The following SH3KBP1 variants were observed in gnomAD, a reference collection of about 807,000 sequenced individuals.
The protein encoded by SH3KBP1 is SH3 domain containing kinase binding protein 1, also known as SH3 domain-containing kinase-binding protein 1.
A neutral mutation model predicts 50.1 loss-of-function variants in SH3KBP1; 8 were observed. The ratio of observed to expected loss-of-function variants is 0.16; its 90% CI spans 0.09 to 0.29. The LOEUF (loss-of-function observed/expected upper bound fraction) is 0.29. SH3KBP1 is among the 10% of genes least tolerant of loss of function. SH3KBP1 has a pLI of 1.00. For synonymous variants in SH3KBP1, 227 were observed against 218.6 expected (o/e 1.04, Z -0.34); for missense variants, 377 against 535.2 (o/e 0.70, Z 2.92).
At chrX:19,588,616 G>T in intron 12 of SH3KBP1, 27 bp downstream of exon 12, 1 of 1,205,912 alleles carries the variant, frequency 8.3e-7, no homozygotes, top group Non-Finnish European at 1.1e-6. Flanking sequence ...CCCCACACCC[G>T]CCCCGGAGGT....
intron 16 of SH3KBP1, among the ~76,000 whole-genome samples, chrX:19,538,834 A>ACCTG: frequency 1.8e-5 from 2 of 110,182 alleles, no homozygotes; most frequent in Admixed American, 9.6e-5. Context: ...TGATCAGCCC[A>ACCTG]CCTCAGCCTC....
At chrX:19,784,212 T>C (rs967947436) in intron 2 of SH3KBP1, among the ~76,000 whole-genome samples, 5 of 112,056 alleles carry the variant, frequency 4.5e-5, no homozygotes, top group African/African-American at 6.5e-5. Flanking sequence ...TTTTCCTCAG[T>C]TGCTCATTGC....
At chrX:19,654,034 T>C (rs2062206935) in intron 6 of SH3KBP1, among the ~76,000 whole-genome samples, 1 of 111,420 alleles carries the variant, frequency 9.0e-6, no homozygotes, top group South Asian at 3.7e-4. Flanking sequence ...ATCTGTCCAA[T>C]AAAAACTTTA....
Position 19,535,130 on chromosome X carries a change from G to T in SH3KBP1, c.*1287C>A, listed in dbSNP as rs2064674658. 1 of 286,553 alleles carries T rather than the reference G, an allele frequency of 3.5e-6. No homozygotes were observed. The highest frequency in any genetic ancestry group is 6.1e-6 in the Non-Finnish European group (1 of 164,587). 23.6% of individuals were successfully genotyped at this position (286,553 alleles called of 1,213,427 possible). A position where few individuals can be genotyped will look rare whatever the true frequency, so the allele number is the denominator to read the frequency against. On this transcript the variant is annotated 3_prime_UTR_variant, in exon 18 of 18. Transcript: ENST00000397821. ...AGTAGGCCCCTCATTTTCAGCTAAG[G>T]ATGAGAAAACAGTTACATAGTCTAA... is the stretch of plus-strand genomic sequence containing the variant.
intron 7 of SH3KBP1, among the ~76,000 whole-genome samples, chrX:19,637,932 C>T (rs1470280807): frequency 1.9e-5 from 2 of 107,600 alleles, no homozygotes; most frequent in African/African-American, 6.8e-5. Flanking sequence ...CAAAAATTAG[C>T]CAGGCTTGGT....
At chrX:19,861,345 C>G (rs954270629) in intron 1 of SH3KBP1, among the ~76,000 whole-genome samples, 1 of 109,531 alleles carries the variant, frequency 9.1e-6, no homozygotes, top group Non-Finnish European at 1.9e-5. Flanking sequence ...CCACTGCACT[C>G]CAGCCTGGGC....
chrX:19,788,853 C>T (rs974135675), intron 2 of SH3KBP1, among the ~76,000 whole-genome samples: 1 of 112,839 alleles, frequency 8.9e-6, no homozygotes, highest in Non-Finnish European at 1.9e-5. Flanking sequence ...AGGCCAGGCA[C>T]GGTGGCTCAC....
chrX:19,635,735 T>G (rs2061687951), intron 7 of SH3KBP1, among the ~76,000 whole-genome samples: 1 of 110,688 alleles, frequency 9.0e-6, no homozygotes, highest in African/African-American at 3.3e-5. Context: ...CATTGCCAAT[T>G]TGGGGGACTG....
intron 13 of SH3KBP1, among the ~76,000 whole-genome samples, chrX:19,562,831 G>C (rs963566013): frequency 6.3e-5 from 7 of 111,787 alleles, no homozygotes; most frequent in African/African-American, 2.0e-4. Context: ...ACCTCTCTCA[G>C]GTCAGCTATT....
intron 15 of SH3KBP1, among the ~76,000 whole-genome samples, chrX:19,543,622 G>C (rs1292206937): frequency 9.0e-6 from 1 of 111,671 alleles, no homozygotes; most frequent in Non-Finnish European, 1.9e-5. Flanking sequence ...CAGGAGAGAG[G>C]GAGCATGCTC....
intron 1 of SH3KBP1, among the ~76,000 whole-genome samples, chrX:19,850,030 T>C (rs762918641): frequency 4.6e-4 from 52 of 112,036 alleles, no homozygotes; most frequent in Non-Finnish European, 2.1e-4. Context: ...GTGTAATCAC[T>C]ATTTCACAAA....
At chrX:19,876,646 C>T (rs1233808331) in intron 1 of SH3KBP1, among the ~76,000 whole-genome samples, 2 of 111,246 alleles carry the variant, frequency 1.8e-5, no homozygotes, top group Non-Finnish European at 3.8e-5. Context: ...ACAGAAATGC[C>T]TCTGTGTTGG....
At chrX:19,691,045 T>C (rs1024733785) in intron 5 of SH3KBP1, among the ~76,000 whole-genome samples, 1 of 111,801 alleles carries the variant, frequency 8.9e-6, no homozygotes, top group Non-Finnish European at 1.9e-5. Context: ...GCACAACCAC[T>C]TGGCTGTTTT....
chrX:19,832,761 C>T (rs1187573144), intron 2 of SH3KBP1, among the ~76,000 whole-genome samples: 5 of 111,977 alleles, frequency 4.5e-5, no homozygotes, highest in African/African-American at 1.6e-4. Context: ...CCCACACTGG[C>T]CTAGCCCAAA....
At chrX:19,536,491 C>A in intron 17 of SH3KBP1, 33 bp from the exon 18 acceptor site, 1 of 960,385 alleles carries the variant, frequency 1.0e-6, no homozygotes, top group South Asian at 2.3e-5. Flanking sequence ...GGAACAAAGT[C>A]ATAATGAATC....
At chrX:19,782,587 A>G (rs1232830399) in intron 2 of SH3KBP1, among the ~76,000 whole-genome samples, 1 of 111,345 alleles carries the variant, frequency 9.0e-6, no homozygotes, top group Non-Finnish European at 1.9e-5. Context: ...CAGGACAGAC[A>G]CGTTTCGCAA....
chrX:19,805,832 G>C (rs2067028887), intron 2 of SH3KBP1, among the ~76,000 whole-genome samples: 1 of 111,612 alleles, frequency 9.0e-6, no homozygotes, highest in African/African-American at 3.3e-5. Context: ...ATAAAAATTT[G>C]CTGTTTGCTG....
intron 2 of SH3KBP1, among the ~76,000 whole-genome samples, chrX:19,801,279 C>T (rs1446432469): frequency 1.8e-5 from 2 of 112,049 alleles, no homozygotes; most frequent in Non-Finnish European, 3.8e-5. Context: ...CAGAACAACA[C>T]GGTGGGGGAA....
chrX:19,671,413 C>G (rs1485023504), intron 6 of SH3KBP1, among the ~76,000 whole-genome samples: 1 of 110,398 alleles, frequency 9.1e-6, no homozygotes, highest in Admixed American at 9.6e-5. Context: ...CACACACACA[C>G]AGAAGAAGGA....
Sources: allele counts gnomAD v4.1 joint callset (sites outside exome capture counted in the v4.1 genomes callset), GRCh38; gene constraint gnomAD v4.1.1; transcripts MANE v1.5; gene names NCBI Gene and HGNC (gene_info 2026-07-23, HGNC 2026-07-21).